Variants in BCL3 observed in about 807,000 individuals in gnomAD.
The protein encoded by BCL3 is BCL3 transcription coactivator.
A neutral mutation model predicts 35.7 loss-of-function variants in BCL3; 15 were observed. The ratio of observed to expected loss-of-function variants is 0.42; its 90% CI spans 0.28 to 0.65. BCL3 has a LOEUF of 0.65. Among genes scored for constraint, BCL3 ranks in the 30% least tolerant of loss-of-function variants. The pLI is 0.22. For synonymous variants in BCL3, 311 were observed against 284.3 expected, an observed-to-expected ratio of 1.09 and a Z score of -0.95; for missense variants, 565 against 641.7, an observed-to-expected ratio of 0.88 and a Z score of 1.29.
chr19:44,751,293 C>T lies in BCL3; in HGVS notation c.323C>T (p.Thr108Ile). 3.1e-6 allele frequency: 5 copies of T among 1,609,696 alleles called. No individual in the cohort carries two copies. Among genetic ancestry groups the T allele is most frequent in the Non-Finnish European group, 4.2e-6 (5 of 1,178,548 alleles). ...CCGTTTCCTCTGGTGAACCTGCCTA[C>T]ACCCCTATACCCCATGATGTGCCCC... ...GSPFPLVNLP[T>I]PLYPMMCPME... Residue 108 changes from threonine (T) to isoleucine (I), a missense_variant, in exon 2 of 9, where the codon ACA becomes ATA. Thr to Ile is a moderately conservative substitution (Grantham distance 89). Coordinates refer to ENST00000164227, the MANE Select transcript of BCL3 (RefSeq NM_005178.5).
chr19:44,757,366 A>G lies in BCL3; in HGVS notation c.764A>G (p.Gln255Arg). 1.2e-6 allele frequency: 2 copies of G among 1,606,742 alleles called. No homozygotes were observed. The highest frequency in any genetic ancestry group is 1.1e-5 in the South Asian group (1 of 89,690). ...CACGTGGCAGTGAACACCGAGTGCC[A>G]AGAAACCGTGCAGCTCTTGCTAGAG... ...ALHVAVNTEC[Q>R]ETVQLLLERG... Residue 255 changes from glutamine (Q) to arginine (R), a missense_variant, in exon 5 of 9, where the codon CAA becomes CGA. By Grantham distance (43) the Gln-to-Arg change is conservative (BLOSUM62 1). This residue lies in a region of BCL3 where 103 missense variants were observed against 106.7 expected (regional missense o/e 0.97). Coordinates refer to ENST00000164227, the MANE Select transcript of BCL3 (RefSeq NM_005178.5). This position sits in a 1 kb window ranked among gnomAD's most constrained non-coding sequence, Gnocchi z 8.4.
intron 7 of BCL3, 54 bp downstream of exon 7, chr19:44,758,467 G>A: frequency 6.6e-7 from 1 of 1,508,594 alleles, no homozygotes; most frequent in Non-Finnish European, 8.9e-7. Flanking sequence ...CCGCGGGCTG[G>A]TTGCAGGCGA....
At chr19:44,750,226 GT>G (rs1967150777) in intron 1 of BCL3, among the ~76,000 whole-genome samples, 1 of 152,162 alleles carries the variant, frequency 6.6e-6, no homozygotes, top group South Asian at 2.1e-4. Flanking sequence ...GCAGGCCTCA[GT>G]TTTCCCCGTC....
intron 2 of BCL3, 79 bp from the exon 3 acceptor site, chr19:44,756,153 A>C: frequency 1.0e-6 from 1 of 972,840 alleles, no homozygotes; most frequent in Non-Finnish European, 1.4e-6. Flanking sequence ...AACACATTGG[A>C]GTTAGCATTG....
chr19:44,752,967 T>C (rs1967210267), intron 2 of BCL3, among the ~76,000 whole-genome samples: 1 of 152,200 alleles, frequency 6.6e-6, no homozygotes, highest in Non-Finnish European at 1.5e-5. Flanking sequence ...GCTCCGCCAC[T>C]GGCCCACTGA....
upstream of BCL3, chr19:44,748,104 G>A (rs895490219): frequency 1.1e-5 from 15 of 1,330,090 alleles, no homozygotes; most frequent in Admixed American, 1.1e-4. Flanking sequence ...GAGAGGGGAA[G>A]TGTTTGGCCA....
chr19:44,750,237 C>G (rs971312400), intron 1 of BCL3, among the ~76,000 whole-genome samples: 3 of 152,172 alleles, frequency 2.0e-5, no homozygotes, highest in African/African-American at 7.2e-5. Context: ...TTTTCCCCGT[C>G]TGTGTGATGG....
At position 44,759,985 on chromosome 19, in the gene BCL3, A is replaced by G. The variant is rs1967396230; in HGVS notation, c.*370A>G. The G allele has an allele frequency of 1.1e-5, 3 of 273,894 alleles. No individual in the cohort carries two copies. The East Asian group carries it at 1.7e-4, about 16-fold the overall frequency. The allele number at this position is 273,894 out of a possible 1,614,324, so 17.0% of individuals were successfully genotyped here. A position where few individuals can be genotyped will look rare whatever the true frequency, so the allele number is the denominator to read the frequency against. Reference sequence around the variant, plus strand: ...TGGGCCGTAACGGGCACGGATCACGATGTAAATTATTAAGCATTTTGGTTG... The same window carrying G: ...TGGGCCGTAACGGGCACGGATCACGGTGTAAATTATTAAGCATTTTGGTTG... On this transcript the variant is annotated 3_prime_UTR_variant, in exon 9 of 9. Transcript: ENST00000164227.
At chr19:44,749,296 G>T (rs1013670521) in intron 1 of BCL3, among the ~76,000 whole-genome samples, 3 of 140,362 alleles carry the variant, frequency 2.1e-5, no homozygotes. Context: ...GGGGGGGGGG[G>T]GCCAGGGACA....
chr19:44,757,394 C>T lies in BCL3; in HGVS notation c.792C>T (p.Arg264=), dbSNP rs1397655908. The T allele has an allele frequency of 3.3e-6, 5 of 1,538,380 alleles. No homozygotes were observed. Among genetic ancestry groups the T allele is most frequent in the East Asian group, 2.6e-5 (1 of 38,684 alleles). ...AAACCGTGCAGCTCTTGCTAGAGCG[C>T]GGTGCCGACATCGACGCAGTGGTGA... is the stretch of plus-strand genomic sequence containing the variant. ...CQETVQLLLE[R]GADIDAVDIK... is the part of the protein sequence containing the mutation. The change falls in exon 5 of 9, where the codon CGC becomes CGT. Residue 264 remains arginine, a synonymous_variant. Transcript: ENST00000164227. This position sits in a 1 kb window ranked among gnomAD's most constrained non-coding sequence, Gnocchi z 8.4.
In BCL3 at chr19:44,757,546, G is replaced by C. The variant is rs1364739045; in HGVS notation, c.814-100G>C. ...GTGGGGCTTGGAGTATCAGACCCAA[G>C]AGAGAGGCTGGACCCCGCGAATGGG... On this transcript the variant is annotated intron_variant, in intron 5 of 8. Coordinates refer to ENST00000164227, the MANE Select transcript of BCL3 (RefSeq NM_005178.5). This position sits in a 1 kb window ranked among gnomAD's most constrained non-coding sequence, Gnocchi z 8.4. 6 of 1,534,126 alleles carry C rather than the reference G, an allele frequency of 3.9e-6. No individual in the cohort carries two copies. Among genetic ancestry groups the C allele is most frequent in the Non-Finnish European group, 5.4e-6 (6 of 1,114,752 alleles).
At position 44,757,513 on chromosome 19, in the gene BCL3, CGGGTG is replaced by C. The variant is rs1967319235; in HGVS notation, c.813+107_813+111del. 5.6e-6 allele frequency: 8 copies of C among 1,433,570 alleles called. No individual in the cohort carries two copies. The highest frequency in any genetic ancestry group is 4.8e-6 in the Non-Finnish European group (5 of 1,046,892). 88.8% of individuals were successfully genotyped at this position (1,433,570 alleles called of 1,614,324 possible). A position where few individuals can be genotyped will look rare whatever the true frequency, so the allele number is the denominator to read the frequency against. On this transcript the variant is annotated intron_variant, in intron 5 of 8. Transcript: ENST00000164227. This position sits in a 1 kb window ranked among gnomAD's most constrained non-coding sequence, Gnocchi z 8.4. Reference sequence around the variant, plus strand: ...TGTGGGGCTGGCGTGGGAGAGCACCCGGGTGGGGTGGGGCTTGGAGTATCAGACCC... The same window carrying C: ...TGTGGGGCTGGCGTGGGAGAGCACCCGGGTGGGGCTTGGAGTATCAGACCC...
intron 2 of BCL3, among the ~76,000 whole-genome samples, 156 bp downstream of exon 2, chr19:44,751,536 G>A (rs1441309339): frequency 6.6e-6 from 1 of 152,162 alleles, no homozygotes; most frequent in Non-Finnish European, 1.5e-5. Flanking sequence ...CTGAGCCTCA[G>A]TTTCCTCCTC....
intron 8 of BCL3, among the ~76,000 whole-genome samples, 175 bp from the exon 9 acceptor site, chr19:44,759,253 T>C (rs1967371592): frequency 9.4e-6 from 1 of 106,624 alleles, no homozygotes; most frequent in Admixed American, 1.1e-4. Context: ...GGAGTCTAGG[T>C]CCCCAGATGC....
intron 8 of BCL3, 92 bp from the exon 9 acceptor site, chr19:44,759,336 C>T (rs1568547487): frequency 1.0e-6 from 1 of 976,814 alleles, no homozygotes; most frequent in East Asian, 2.7e-5. Context: ...CCCCCAGCCC[C>T]TCCTCCCTCA....
chr19:44,752,566 C>T (rs1967201899), intron 2 of BCL3, among the ~76,000 whole-genome samples: 2 of 151,960 alleles, frequency 1.3e-5, no homozygotes, highest in Non-Finnish European at 2.9e-5. Flanking sequence ...GGTCACAGCC[C>T]ACTACATTAA....
At chr19:44,748,303 AC>A (rs1967103959), upstream of BCL3, among the ~76,000 whole-genome samples, 1 of 152,192 alleles carries the variant, frequency 6.6e-6, no homozygotes, top group Non-Finnish European at 1.5e-5. Context: ...GCGGAGAGAA[AC>A]ACCTACTCAG....
intron 8 of BCL3, among the ~76,000 whole-genome samples, chr19:44,759,191 C>T (rs1199601924): frequency 2.2e-5 from 3 of 136,232 alleles, no homozygotes; most frequent in Admixed American, 7.1e-5. Context: ...TCCTCCCTCA[C>T]ACCCCCAGCC....
chr19:44,747,907 G>A, upstream of BCL3: 3 of 1,175,006 alleles, frequency 2.6e-6, no homozygotes, highest in Non-Finnish European at 3.2e-6. Context: ...CGAGTGCAGA[G>A]ACACAATCAG....
Sources: gnomAD v4.1 joint callset for allele counts (sites outside exome capture counted in the v4.1 genomes callset) on GRCh38, gnomAD v4.1.1 for gene constraint, gnomAD v4.1.1 regional missense constraint, Gnocchi (gnomAD v3.1) non-coding constraint, MANE v1.5 for transcripts, NCBI Gene and HGNC (gene_info 2026-07-23, HGNC 2026-07-21) for gene names.